DENND1A: variants seen among roughly 807,000 people sequenced by gnomAD.
The protein encoded by DENND1A is DENN domain containing 1A.
A neutral mutation model predicts 113.7 loss-of-function variants in DENND1A; 51 were observed. That is an observed-to-expected ratio of 0.45 (90% CI 0.36 to 0.57). DENND1A has a LOEUF of 0.57. DENND1A is among the 20% of genes least tolerant of loss of function. DENND1A has a pLI of 0.00. For missense variants in DENND1A, 1,258 were observed against 1,395.9 expected (o/e 0.90, Z 1.57); for synonymous variants, 565 against 570.8 (o/e 0.99, Z 0.14).
intron 11 of DENND1A, among the ~76,000 whole-genome samples, chr9:123,599,103 A>G (rs2059829765): frequency 6.6e-6 from 1 of 152,368 alleles, no homozygotes; most frequent in African/African-American, 2.4e-5. Context: ...TTTCTAAACA[A>G]ACATAGAATG....
chr9:123,547,453 T>C (rs780868836), intron 13 of DENND1A, among the ~76,000 whole-genome samples: 1 of 152,178 alleles, frequency 6.6e-6, no homozygotes, highest in Non-Finnish European at 1.5e-5. Context: ...CACTTGAACT[T>C]GGGAGGCGGA....
chr9:123,575,063 T>G (rs2058561491), intron 12 of DENND1A, among the ~76,000 whole-genome samples: 1 of 152,166 alleles, frequency 6.6e-6, no homozygotes, highest in Non-Finnish European at 1.5e-5. Context: ...GAAATGCTGG[T>G]CAGATATTTT....
intron 18 of DENND1A, among the ~76,000 whole-genome samples, chr9:123,444,189 C>T (rs2047136779): frequency 1.3e-5 from 2 of 152,122 alleles, no homozygotes; most frequent in African/African-American, 4.8e-5. Flanking sequence ...GATGTATATG[C>T]CCTTTGGCCC....
At chr9:123,499,190 C>A (rs1340848962) in intron 13 of DENND1A, among the ~76,000 whole-genome samples, 2 of 151,414 alleles carry the variant, frequency 1.3e-5, no homozygotes, top group African/African-American at 4.9e-5. Flanking sequence ...CACGCCACCA[C>A]GCCTGGCTAC....
intron 2 of DENND1A, among the ~76,000 whole-genome samples, chr9:123,801,619 A>T (rs1156860577): frequency 1.1e-4 from 16 of 152,136 alleles, no homozygotes; most frequent in Non-Finnish European, 1.5e-5. Context: ...CCCTGCTTTC[A>T]CTTCTTTTGC....
chr9:123,754,644 T>C (rs911849088), intron 5 of DENND1A, among the ~76,000 whole-genome samples: 3 of 152,342 alleles, frequency 2.0e-5, no homozygotes, highest in East Asian at 3.8e-4. Flanking sequence ...GACTAGCTAA[T>C]AGTAGGAATT....
At chr9:123,761,089 G>C (rs2071000118) in intron 4 of DENND1A, among the ~76,000 whole-genome samples, 1 of 152,184 alleles carries the variant, frequency 6.6e-6, no homozygotes, top group Non-Finnish European at 1.5e-5. Context: ...CACCTGACTT[G>C]TGAATTGTGT....
At chr9:123,796,787 ACAC>A (rs1415082062) in intron 2 of DENND1A, among the ~76,000 whole-genome samples, 1 of 151,934 alleles carries the variant, frequency 6.6e-6, no homozygotes, top group Non-Finnish European at 1.5e-5. Context: ...ACACACACAC[ACAC>A]ATCTTACCAA....
At chr9:123,697,063 A>C (rs2065567101) in intron 5 of DENND1A, among the ~76,000 whole-genome samples, 1 of 152,208 alleles carries the variant, frequency 6.6e-6, no homozygotes, top group Admixed American at 6.5e-5. Context: ...TTTCTTTTGC[A>C]TTAAGAGTAA....
chr9:123,798,000 T>C (rs535886755), intron 2 of DENND1A, among the ~76,000 whole-genome samples: 1 of 152,296 alleles, frequency 6.6e-6, no homozygotes, highest in South Asian at 2.1e-4. Context: ...CACGTACAAA[T>C]GAAATTTGTT....
chr9:123,653,339 G>A, intron 8 of DENND1A, among the ~76,000 whole-genome samples: 1 of 152,162 alleles, frequency 6.6e-6, no homozygotes. Flanking sequence ...GTGTAATTGT[G>A]CAGTCTTCAC....
chr9:123,772,938 C>T (rs1394820323), intron 3 of DENND1A, among the ~76,000 whole-genome samples: 1 of 152,182 alleles, frequency 6.6e-6, no homozygotes, highest in Non-Finnish European at 1.5e-5. Flanking sequence ...ATATCCAACA[C>T]ATAACTTATT....
intron 5 of DENND1A, among the ~76,000 whole-genome samples, chr9:123,688,840 TGCTTTATTATAA>T (rs1287457782): frequency 1.3e-5 from 2 of 152,166 alleles, no homozygotes; most frequent in African/African-American, 4.8e-5. Flanking sequence ...CAGATGGCAC[TGCTTTATTATAA>T]GCCATGAAAA....
chr9:123,596,716 T>C (rs1329262994), intron 11 of DENND1A, among the ~76,000 whole-genome samples: 1 of 152,222 alleles, frequency 6.6e-6, no homozygotes, highest in African/African-American at 2.4e-5. Flanking sequence ...ACCAGAGTGC[T>C]GAAACACAGT....
intron 1 of DENND1A, among the ~76,000 whole-genome samples, chr9:123,904,697 T>C (rs2133943930): frequency 6.7e-6 from 1 of 150,364 alleles, no homozygotes; most frequent in East Asian, 1.9e-4. Context: ...CTCCAAGAAA[T>C]ATGGGACTAT....
intron 10 of DENND1A, among the ~76,000 whole-genome samples, chr9:123,615,245 T>C (rs973650182): frequency 5.3e-5 from 8 of 152,180 alleles, no homozygotes; most frequent in Admixed American, 1.3e-4. Context: ...GAGGGTGCTA[T>C]CAGAACTACC....
At chr9:123,462,515 G>A (rs1163974875) in intron 13 of DENND1A, among the ~76,000 whole-genome samples, 2 of 152,158 alleles carry the variant, frequency 1.3e-5, no homozygotes, top group Non-Finnish European at 2.9e-5. Context: ...TTGGAACCCT[G>A]GCCAGGCACG....
At chr9:123,507,553 T>G (rs1254321005) in intron 13 of DENND1A, among the ~76,000 whole-genome samples, 1 of 151,910 alleles carries the variant, frequency 6.6e-6, no homozygotes, top group Non-Finnish European at 1.5e-5. Context: ...AATTTTAACA[T>G]AAGAATTACT....
At chr9:123,395,468 C>CTCTGTGTGTGTGTGTGTGTGTGTGTG (rs367751848) in intron 21 of DENND1A, among the ~76,000 whole-genome samples, 21 of 142,984 alleles carry the variant, frequency 1.5e-4, no homozygotes, top group African/African-American at 4.3e-4. Flanking sequence ...CTCTCTCTCT[C>CTCTGTGTGTGTGTGTGTGTGTGTGTG]TGTGTGTGTG....
Sources: gnomAD v4.1 joint callset for allele counts (sites outside exome capture counted in the v4.1 genomes callset) on GRCh38, gnomAD v4.1.1 for gene constraint, MANE v1.5 for transcripts, NCBI Gene and HGNC (gene_info 2026-07-23, HGNC 2026-07-21) for gene names.